USP6: variants seen among roughly 807,000 people sequenced by gnomAD.
USP6 encodes the protein ubiquitin specific peptidase 6.
In USP6, 128 loss-of-function variants were observed where a neutral mutation model predicts 175.7. That is an observed-to-expected ratio of 0.73 (90% CI 0.63 to 0.84). USP6 has a LOEUF of 0.84. Ranked by LOEUF, USP6 falls within the 40% of genes least tolerant of loss-of-function variation. The pLI is 0.00. For synonymous variants in USP6, 562 were observed against 630.6 expected (o/e 0.89, Z 1.63); for missense variants, 1,498 against 1,760.3 (o/e 0.85, Z 2.67).
intron 36 of USP6, among the ~76,000 whole-genome samples, chr17:5,171,254 C>T (rs759957097): frequency 1.3e-5 from 2 of 152,066 alleles, no homozygotes; most frequent in Non-Finnish European, 1.5e-5. Flanking sequence ...GCAGAAGGAT[C>T]ACCTGAGCCC....
At chr17:5,139,056 T>C (rs2073355722) in intron 21 of USP6, 199 bp from the exon 22 acceptor site, 1 of 1,587,174 alleles carries the variant, frequency 6.3e-7, no homozygotes, top group Non-Finnish European at 8.5e-7. Context: ...CCACCCACCA[T>C]GCCCCAACGG....
rs151078930 is a variant in USP6, at chr17:5,123,802, GAC to G, written c.-1298-748_-1298-747del. Among the ~76,000 whole-genome samples the G allele has an allele frequency of 4.0e-4, 60 of 151,022 alleles. No individual in the cohort carries two copies. The South Asian group carries it at 7.3e-3, about 18-fold the overall frequency. ...AGCATCCACTGGCTCACACCTGTAGGACACACACACACACACAAACATGCACA... is the reference window on the plus strand; with the variant it reads ...AGCATCCACTGGCTCACACCTGTAGGACACACACACACACAAACATGCACA... On this transcript the variant is annotated intron_variant, in intron 4 of 37. Coordinates refer to ENST00000574788, the MANE Select transcript of USP6 (RefSeq NM_001304284.2).
Position 5,168,772 on chromosome 17 carries a change from T to A in USP6, c.3234T>A (p.Ile1078=). 3 of 1,570,354 alleles carry A rather than the reference T, an allele frequency of 1.9e-6. No homozygotes were observed. The highest frequency in any genetic ancestry group is 2.6e-6 in the Non-Finnish European group (3 of 1,158,362). The change falls in exon 35 of 38, where the codon ATT becomes ATA. Residue 1078 remains isoleucine, a synonymous_variant. Coordinates refer to ENST00000574788, the MANE Select transcript of USP6 (RefSeq NM_001304284.2). The part of the protein sequence containing the change: ...DLWRLPPFLI[I]HLKRFQFVND... ...TTCTACCTTTACTTCTCCAGATTAT[T>A]CACCTTAAGCGATTTCAATTTGTAA... is the stretch of plus-strand genomic sequence containing the variant.
chr17:5,163,203 A>T (rs1456485821), intron 33 of USP6, among the ~76,000 whole-genome samples, 199 bp downstream of exon 33: 2 of 152,116 alleles, frequency 1.3e-5, no homozygotes, highest in Non-Finnish European at 2.9e-5. Flanking sequence ...GTATTGGGGC[A>T]TTGTCTTTGT....
chr17:5,136,093 C>T (rs1390584725), intron 17 of USP6, among the ~76,000 whole-genome samples, 165 bp downstream of exon 17: 1 of 152,218 alleles, frequency 6.6e-6, no homozygotes, highest in Non-Finnish European at 1.5e-5. Flanking sequence ...GCAGCTGACC[C>T]CCACAACCCA....
intron 30 of USP6, 53 bp from the exon 31 acceptor site, chr17:5,155,369 G>T (rs572431585): frequency 1.0e-5 from 16 of 1,592,604 alleles, no homozygotes; most frequent in Admixed American, 5.2e-5. Flanking sequence ...AGAACTAAAG[G>T]GAGGAATCAG....
At position 5,136,378 on chromosome 17, in the gene USP6, C is replaced by T. The variant is rs528261540; in HGVS notation, c.665-262C>T. Among the ~76,000 whole-genome samples, 5 of 152,360 alleles carry T rather than the reference C, an allele frequency of 3.3e-5. No homozygotes were observed. In the South Asian group the frequency reaches 1.0e-3, roughly 32 times the overall value. On this transcript the variant is annotated intron_variant, in intron 17 of 37. Coordinates refer to ENST00000574788, the MANE Select transcript of USP6 (RefSeq NM_001304284.2). Reference sequence around the variant, plus strand: ...CAGGAAGCTCAGCACCCACCCTGTTCTGGCCGCTCTGTTGTGGCCTCAAAG... The same window carrying T: ...CAGGAAGCTCAGCACCCACCCTGTTTTGGCCGCTCTGTTGTGGCCTCAAAG...
rs557204785 is a variant in USP6 at position 5,121,574 on chromosome 17, C to T, written c.-1475C>T. On this transcript the variant is annotated 5_prime_UTR_variant, in exon 4 of 38. It adds an upstream start codon to the 5' untranslated region. Transcript: ENST00000574788. ...TAGACCCCTGCTTGGAGGTGTGTTA[C>T]GGGACCCAACTGGCCCAGCTGCAGG... is the stretch of plus-strand genomic sequence containing the variant. 3.6e-5 allele frequency: 6 copies of T among 164,534 alleles called. No homozygotes were observed. The highest frequency in any genetic ancestry group is 1.8e-4 in the East Asian group (1 of 5,450). 10.2% of individuals were successfully genotyped at this position (164,534 alleles called of 1,614,324 possible).
At chr17:5,157,015 C>G (rs571911772) in intron 31 of USP6, among the ~76,000 whole-genome samples, 1 of 152,104 alleles carries the variant, frequency 6.6e-6, no homozygotes, top group African/African-American at 2.4e-5. Context: ...CAGGTGTGAG[C>G]CACCACACCT....
intron 28 of USP6, 86 bp from the exon 29 acceptor site, chr17:5,146,997 A>T: frequency 1.5e-6 from 2 of 1,332,468 alleles, no homozygotes; most frequent in Non-Finnish European, 2.1e-6. Flanking sequence ...AGGACCTAAG[A>T]CATTCTTTTG....
Position 5,170,750 on chromosome 17 carries a change from G to C in USP6, c.3789G>C (p.Glu1263Asp). 6.2e-7 allele frequency: 1 copy of C among 1,613,986 alleles called. No homozygotes were observed. The highest frequency in any genetic ancestry group is 8.5e-7 in the Non-Finnish European group (1 of 1,179,870). ...QPELVTPQDHEVALANGFLYE... is the reference protein window; with the variant it reads ...QPELVTPQDHDVALANGFLYE... ...AGCTGGTCACTCCTCAGGACCATGAGGTAGCTTTGGCCAATGGATTCCTTT... is the reference window on the plus strand; with the variant it reads ...AGCTGGTCACTCCTCAGGACCATGACGTAGCTTTGGCCAATGGATTCCTTT... The change falls in exon 36 of 38, where the codon GAG becomes GAC. Residue 1263 changes from glutamate to aspartate, a missense_variant. This residue lies in a region of USP6 where 1,217 missense variants were observed against 1,500.8 expected (regional missense o/e 0.81). Transcript: ENST00000574788.
chr17:5,123,293 A>C (rs2072762521), intron 4 of USP6, among the ~76,000 whole-genome samples: 1 of 151,504 alleles, frequency 6.6e-6, no homozygotes, highest in African/African-American at 2.4e-5. Context: ...TTTTCCCCGC[A>C]CCGCCGGTGG....
chr17:5,144,625 A>G (rs1480821075), intron 25 of USP6, 65 bp from the exon 26 acceptor site: 41 of 1,553,642 alleles, frequency 2.6e-5, no homozygotes, highest in Non-Finnish European at 3.3e-5. Flanking sequence ...ATTGGATTAT[A>G]GGACATGTTC....
At position 5,168,974 on chromosome 17, in the gene USP6, C is replaced by CA; in HGVS notation, c.3437dup (p.Ser1147GlufsTer20). On this transcript the variant is annotated frameshift_variant, in exon 35 of 38. Transcript: ENST00000574788. LOFTEE classifies it high-confidence loss of function. Reference sequence around the variant, plus strand: ...AAGAGAGGTGAAGAAAGTGGATGCGCAGAGTTCGGCTGGAAAAGAGGACAT... The same window carrying CA: ...AAGAGAGGTGAAGAAAGTGGATGCGCAAGAGTTCGGCTGGAAAAGAGGACAT... 1 of 1,613,988 alleles carries CA rather than the reference C, an allele frequency of 6.2e-7. No homozygotes were observed. The highest frequency in any genetic ancestry group is 8.5e-7 in the Non-Finnish European group (1 of 1,179,866).
intron 31 of USP6, among the ~76,000 whole-genome samples, chr17:5,156,391 T>C (rs1272416707): frequency 6.6e-6 from 1 of 152,042 alleles, no homozygotes; most frequent in African/African-American, 2.4e-5. Flanking sequence ...CACTGCAACC[T>C]CCACCTCCCG....
chr17:5,143,445 A>G (rs868551384), intron 25 of USP6, among the ~76,000 whole-genome samples: 13 of 151,982 alleles, frequency 8.6e-5, no homozygotes, highest in South Asian at 4.1e-4. Context: ...CTGTTGATCT[A>G]TGACCTTACC....
chr17:5,168,022 G>T lies in USP6; in HGVS notation c.3127G>T (p.Glu1043Ter). ...LDSCLRAFTS[E>*]EELGESEMYY... ...CAGCTGTCTCCGTGCTTTCACCAGT[G>T]AGGAAGAGCTAGGGGAAAGTGAGAT... The change falls in exon 34 of 38, where the codon GAG (glutamate) becomes TAG (stop). Residue 1043 changes from glutamate (E) to a stop codon, truncating the protein, a stop_gained. Coordinates refer to ENST00000574788, the MANE Select transcript of USP6 (RefSeq NM_001304284.2). LOFTEE classifies it high-confidence loss of function. The T allele has an allele frequency of 6.2e-7, 1 of 1,611,988 alleles. No homozygotes were observed. The highest frequency in any genetic ancestry group is 8.5e-7 in the Non-Finnish European group (1 of 1,179,852).
chr17:5,135,273 G>T lies in USP6; in HGVS notation c.534G>T (p.Glu178Asp). The change falls in exon 16 of 38, where the codon GAG becomes GAT. Residue 178 changes from glutamate to aspartate, a missense_variant. Physicochemically the swap from Glu to Asp is conservative, Grantham distance 45. Around this residue, in one of 2 missense-constraint regions of USP6, gnomAD observed 281 missense variants for 259.6 expected, o/e 1.08. Transcript: ENST00000574788. ...TCTACATCCTCCTGGCCTATTCGGA[G>T]TATAACCCGGTGAGTATTCCCGGCA... The part of the protein sequence containing the change: ...ELFYILLAYS[E>D]YNPEVGYCRD... The T allele has an allele frequency of 6.2e-7, 1 of 1,612,902 alleles. No homozygotes were observed. Among genetic ancestry groups the T allele is most frequent in the South Asian group, 1.1e-5 (1 of 91,064 alleles).
intron 22 of USP6, 25 bp from the exon 23 acceptor site, chr17:5,141,400 A>C (rs2073442025): frequency 6.3e-7 from 1 of 1,579,784 alleles, no homozygotes; most frequent in Admixed American, 1.8e-5. Flanking sequence ...ATAAGAAATT[A>C]ACACATTCCT....
Sources: allele counts gnomAD v4.1 joint callset (sites outside exome capture counted in the v4.1 genomes callset), GRCh38; gene constraint gnomAD v4.1.1; regional missense constraint gnomAD v4.1.1; transcripts MANE v1.5; gene names NCBI Gene and HGNC (gene_info 2026-07-23, HGNC 2026-07-21).